NR6A1: variants seen among roughly 807,000 people sequenced by gnomAD.
The protein encoded by NR6A1 is retinoic acid receptor-related testis-associated receptor.
In NR6A1, 7 loss-of-function variants were observed where a neutral mutation model predicts 59.1. The observed-to-expected ratio is 0.12, with a 90% CI of 0.07 to 0.22. The LOEUF (loss-of-function observed/expected upper bound fraction) is 0.22. NR6A1 is among the 10% of genes least tolerant of loss of function. The probability of loss-of-function intolerance (pLI) is 1.00; values close to 1 mark genes in which losing one functional copy is unlikely to be tolerated. For synonymous variants in NR6A1, 243 were observed against 236.1 expected, an observed-to-expected ratio of 1.03 and a Z score of -0.27; for missense variants, 468 against 611.6, an observed-to-expected ratio of 0.77 and a Z score of 2.48.
intron 2 of NR6A1, among the ~76,000 whole-genome samples, chr9:124,601,973 C>T (rs997375876): frequency 6.6e-6 from 1 of 152,266 alleles, no homozygotes; most frequent in African/African-American, 2.4e-5. Flanking sequence ...CTTGTGTTAA[C>T]AACCAAATGC....
intron 2 of NR6A1, among the ~76,000 whole-genome samples, chr9:124,601,248 C>T (rs1835438757): frequency 6.6e-6 from 1 of 151,892 alleles, no homozygotes; most frequent in East Asian, 1.9e-4. Flanking sequence ...TGCACTCTAA[C>T]CTGGCCGACA....
At chr9:124,691,221 A>G (rs1445049057) in intron 2 of NR6A1, among the ~76,000 whole-genome samples, 1 of 152,242 alleles carries the variant, frequency 6.6e-6, no homozygotes, top group Non-Finnish European at 1.5e-5. Context: ...AAACTCAACA[A>G]AGCTGGCTAA....
chr9:124,650,770 G>A (rs1209009379), intron 2 of NR6A1, among the ~76,000 whole-genome samples: 4 of 152,194 alleles, frequency 2.6e-5, no homozygotes, highest in Non-Finnish European at 5.9e-5. Context: ...ACAGAAAGCA[G>A]TAGGCCCAGA....
rs796389819 is a variant in NR6A1, at chr9:124,635,813, AG to A, written c.143-81244del. ...CCCATGTTTTGGCAATTATGAATAAAGCTGCTATAATCATCCATATGCAGGT... is the reference window on the plus strand; with the variant it reads ...CCCATGTTTTGGCAATTATGAATAAACTGCTATAATCATCCATATGCAGGT... On this transcript the variant is annotated intron_variant, in intron 2 of 9. Transcript: ENST00000487099. Among the ~76,000 whole-genome samples the A allele has an allele frequency of 5.9e-5, 9 of 152,370 alleles. 1 individual carries two copies. In the East Asian group the frequency reaches 1.3e-3, roughly 23 times the overall value.
chr9:124,708,519 T>C (rs1002618154), intron 2 of NR6A1, among the ~76,000 whole-genome samples: 1 of 152,196 alleles, frequency 6.6e-6, no homozygotes, highest in Admixed American at 6.5e-5. Context: ...ACTGCTTAAA[T>C]ACAACTTAAT....
chr9:124,542,630 G>A (rs1355274639), intron 4 of NR6A1, among the ~76,000 whole-genome samples: 1 of 152,172 alleles, frequency 6.6e-6, no homozygotes, highest in Non-Finnish European at 1.5e-5. Context: ...CTACCTGCTA[G>A]AATGATCTTC....
At chr9:124,756,703 T>C (rs1410171730) in intron 1 of NR6A1, among the ~76,000 whole-genome samples, 1 of 152,218 alleles carries the variant, frequency 6.6e-6, no homozygotes, top group Non-Finnish European at 1.5e-5. Flanking sequence ...TTAAATTCTC[T>C]CTGCATGTAC....
chr9:124,745,270 C>A (rs1381792810), intron 1 of NR6A1, among the ~76,000 whole-genome samples: 1 of 149,410 alleles, frequency 6.7e-6, no homozygotes, highest in Non-Finnish European at 1.5e-5. Flanking sequence ...AAAAAAAACA[C>A]TTTGGTCCAT....
chr9:124,669,558 G>A (rs971067291), intron 2 of NR6A1, among the ~76,000 whole-genome samples: 3 of 152,136 alleles, frequency 2.0e-5, no homozygotes, highest in Non-Finnish European at 4.4e-5. Context: ...ACTGTGGCTA[G>A]AAAAAGGAAA....
chr9:124,526,276 GTGTATGTGTGTA>G (rs1832931106), intron 8 of NR6A1, among the ~76,000 whole-genome samples: 1 of 145,396 alleles, frequency 6.9e-6, no homozygotes, highest in Non-Finnish European at 1.5e-5. Flanking sequence ...GCTTGATTGT[GTGTATGTGTGTA>G]TGTGTGTGTG....
chr9:124,531,568 G>A (rs1280964673), intron 7 of NR6A1, among the ~76,000 whole-genome samples: 1 of 152,146 alleles, frequency 6.6e-6, no homozygotes, highest in African/African-American at 2.4e-5. Context: ...TGGGTTTCTA[G>A]CAGAGCGGTT....
chr9:124,689,816 G>A (rs1459342554), intron 2 of NR6A1, among the ~76,000 whole-genome samples: 1 of 152,104 alleles, frequency 6.6e-6, no homozygotes, highest in African/African-American at 2.4e-5. Flanking sequence ...CCTGGCACTT[G>A]TAGGCAGAAT....
chr9:124,743,975 T>C (rs570947858), intron 1 of NR6A1, among the ~76,000 whole-genome samples: 14 of 152,326 alleles, frequency 9.2e-5, no homozygotes, highest in African/African-American at 3.4e-4. Flanking sequence ...GCCTGTAATC[T>C]CAGAACTCTG....
chr9:124,689,329 C>T (rs908435567), intron 2 of NR6A1, among the ~76,000 whole-genome samples: 2 of 152,000 alleles, frequency 1.3e-5, no homozygotes, highest in Non-Finnish European at 2.9e-5. Context: ...ATTCTGGCTC[C>T]AAAATCTGCT....
intron 2 of NR6A1, among the ~76,000 whole-genome samples, chr9:124,725,668 G>A (rs1839692828): frequency 6.6e-6 from 1 of 152,186 alleles, no homozygotes; most frequent in South Asian, 2.1e-4. Context: ...AAGTCATGCG[G>A]GGCTCGGCCT....
chr9:124,749,640 C>T (rs1564266661), intron 1 of NR6A1, among the ~76,000 whole-genome samples: 1 of 152,080 alleles, frequency 6.6e-6, no homozygotes, highest in Non-Finnish European at 1.5e-5. Context: ...TAATGCACTC[C>T]AGCCTCGAAC....
At chr9:124,739,455 G>A (rs1030397047) in intron 1 of NR6A1, among the ~76,000 whole-genome samples, 2 of 152,122 alleles carry the variant, frequency 1.3e-5, no homozygotes, top group African/African-American at 4.8e-5. Flanking sequence ...CTCCAAATAG[G>A]CGTTTTGTTT....
chr9:124,538,359 G>A, intron 5 of NR6A1, 40 bp from the exon 6 acceptor site: 1 of 1,507,992 alleles, frequency 6.6e-7, no homozygotes, highest in Non-Finnish European at 9.2e-7. Flanking sequence ...GCCATGGCAA[G>A]TCTAGTAATT....
intron 2 of NR6A1, among the ~76,000 whole-genome samples, chr9:124,616,489 G>A (rs966219384): frequency 7.3e-5 from 11 of 151,034 alleles, no homozygotes; most frequent in Non-Finnish European, 1.2e-4. Flanking sequence ...ATAATATACT[G>A]AGGGGGTGTC....
Sources: gnomAD v4.1 joint callset for allele counts (sites outside exome capture counted in the v4.1 genomes callset) on GRCh38, gnomAD v4.1.1 for gene constraint, MANE v1.5 for transcripts, NCBI Gene and HGNC (gene_info 2026-07-23, HGNC 2026-07-21) for gene names.